Variants in PARP8 observed in about 807,000 individuals in gnomAD.
The protein encoded by PARP8 is protein mono-ADP-ribosyltransferase PARP8.
A neutral mutation model predicts 124.1 loss-of-function variants in PARP8; 51 were observed. That is an observed-to-expected ratio of 0.41 (90% CI 0.33 to 0.52). The LOEUF (loss-of-function observed/expected upper bound fraction) is 0.52, where lower values mean the gene tolerates loss of function less well. PARP8 is among the 20% of genes least tolerant of loss of function. PARP8 has a pLI of 0.21. For synonymous variants in PARP8, 391 were observed against 361.5 expected (o/e 1.08, Z -0.93); for missense variants, 860 against 1,018.9 (o/e 0.84, Z 2.12).
intron 2 of PARP8, among the ~76,000 whole-genome samples, chr5:50,707,699 A>G (rs1754305335): frequency 6.6e-6 from 1 of 151,834 alleles, no homozygotes; most frequent in African/African-American, 2.4e-5. Context: ...ATTGGCATGC[A>G]GTTGCCTGAT....
intron 2 of PARP8, among the ~76,000 whole-genome samples, chr5:50,746,925 A>T (rs1461482288): frequency 6.6e-6 from 1 of 152,114 alleles, no homozygotes; most frequent in African/African-American, 2.4e-5. Flanking sequence ...TCTACCCAGG[A>T]GGCTGCAGGG....
In PARP8 at chr5:50,843,700, T is replaced by C. The variant is rs1408543100; in HGVS notation, c.*1632T>C. 2.0e-5 allele frequency: 3 copies of C among 151,722 alleles called. No individual in the cohort carries two copies. Among genetic ancestry groups the C allele is most frequent in the Non-Finnish European group, 4.4e-5 (3 of 67,804 alleles). The allele number at this position is 151,722 out of a possible 1,614,324, so 9.4% of individuals were successfully genotyped here. On this transcript the variant is annotated 3_prime_UTR_variant, in exon 26 of 26. Coordinates refer to ENST00000281631, the MANE Select transcript of PARP8 (RefSeq NM_024615.4). ...AGTGGAGTAGGGCAAAGATATAATA[T>C]CCTATCCAGTGTTTTGTGACCACTT... is the stretch of plus-strand genomic sequence containing the variant.
chr5:50,822,849 G>T (rs1745916961), intron 17 of PARP8, among the ~76,000 whole-genome samples: 1 of 152,176 alleles, frequency 6.6e-6, no homozygotes, highest in African/African-American at 2.4e-5. Context: ...GGCTCCCGGA[G>T]AGTATGGGTT....
intron 2 of PARP8, among the ~76,000 whole-genome samples, chr5:50,710,659 A>G (rs531221972): frequency 6.6e-6 from 1 of 152,238 alleles, no homozygotes; most frequent in African/African-American, 2.4e-5. Flanking sequence ...AATAAGGATC[A>G]GCTTGTTTTT....
chr5:50,688,248 C>G (rs1752092846), intron 2 of PARP8, among the ~76,000 whole-genome samples: 1 of 152,050 alleles, frequency 6.6e-6, no homozygotes, highest in Non-Finnish European at 1.5e-5. Flanking sequence ...TTTTCCTTGA[C>G]CTTGGAAAAC....
chr5:50,836,808 G>A (rs1747638527), intron 25 of PARP8, among the ~76,000 whole-genome samples: 1 of 151,972 alleles, frequency 6.6e-6, no homozygotes, highest in South Asian at 2.1e-4. Flanking sequence ...TTAGATGCTT[G>A]GCCTTGCAAA....
At chr5:50,786,243 C>T (rs1741230655) in intron 9 of PARP8, among the ~76,000 whole-genome samples, 3 of 152,060 alleles carry the variant, frequency 2.0e-5, no homozygotes, top group Admixed American at 6.6e-5. Flanking sequence ...TCAAACACTG[C>T]TCTTGTCAAT....
chr5:50,843,036 G>A lies in PARP8; in HGVS notation c.*968G>A, dbSNP rs1748331890. 1 of 151,316 alleles carries A rather than the reference G, an allele frequency of 6.6e-6. No homozygotes were observed. 9.4% of individuals were successfully genotyped at this position (151,316 alleles called of 1,614,324 possible). On this transcript the variant is annotated 3_prime_UTR_variant, in exon 26 of 26. Coordinates refer to ENST00000281631, the MANE Select transcript of PARP8 (RefSeq NM_024615.4). Reference sequence around the variant, plus strand: ...ATACAATTTTATTTATGCCACACCAGCATTTTTATATTTGTTCATCTAATA... The same window carrying A: ...ATACAATTTTATTTATGCCACACCAACATTTTTATATTTGTTCATCTAATA...
intron 7 of PARP8, among the ~76,000 whole-genome samples, chr5:50,776,411 T>C (rs1300788373): frequency 6.6e-6 from 1 of 152,196 alleles, no homozygotes; most frequent in Non-Finnish European, 1.5e-5. Flanking sequence ...ATAAAACAGG[T>C]TTGGAAGAAT....
At chr5:50,766,458 T>G (rs1212467223) in intron 7 of PARP8, among the ~76,000 whole-genome samples, 1 of 152,216 alleles carries the variant, frequency 6.6e-6, no homozygotes, top group Non-Finnish European at 1.5e-5. Flanking sequence ...AGAAAGGGAA[T>G]TACAGATCAG....
intron 14 of PARP8, among the ~76,000 whole-genome samples, chr5:50,812,973 A>C (rs1400313942): frequency 1.3e-5 from 2 of 152,162 alleles, no homozygotes; most frequent in African/African-American, 4.8e-5. Context: ...TGGTACCAGT[A>C]CCATGCTGTT....
chr5:50,699,174 A>G (rs552958515), intron 2 of PARP8, among the ~76,000 whole-genome samples: 1 of 152,210 alleles, frequency 6.6e-6, no homozygotes, highest in East Asian at 1.9e-4. Context: ...CTGTACCTTT[A>G]CTATAACATG....
chr5:50,714,869 T>C (rs1289593677), intron 2 of PARP8, among the ~76,000 whole-genome samples: 2 of 152,112 alleles, frequency 1.3e-5, no homozygotes, highest in Non-Finnish European at 1.5e-5. Context: ...TTAGCTGTCA[T>C]TCCTGTAAGA....
chr5:50,759,344 C>A (rs1760303336), intron 3 of PARP8, among the ~76,000 whole-genome samples: 1 of 152,078 alleles, frequency 6.6e-6, no homozygotes, highest in Non-Finnish European at 1.5e-5. Flanking sequence ...GTTAAGGCAC[C>A]CAGTTGCATC....
chr5:50,825,898 C>T (rs1057422752), intron 18 of PARP8, among the ~76,000 whole-genome samples: 3 of 152,162 alleles, frequency 2.0e-5, no homozygotes, highest in African/African-American at 7.2e-5. Flanking sequence ...TTATAGTACA[C>T]ATTTAATTTA....
At chr5:50,752,926 A>G (rs1180804546) in intron 3 of PARP8, among the ~76,000 whole-genome samples, 6 of 152,086 alleles carry the variant, frequency 3.9e-5, no homozygotes, top group Non-Finnish European at 7.4e-5. Flanking sequence ...TGATCTATTA[A>G]TTAACTTGTA....
chr5:50,710,087 A>C (rs1227310146), intron 2 of PARP8, among the ~76,000 whole-genome samples: 1 of 151,654 alleles, frequency 6.6e-6, no homozygotes, highest in East Asian at 1.9e-4. Context: ...GAAACTGTTT[A>C]GATTTTGGAC....
At chr5:50,726,802 C>T (rs1228311935) in intron 2 of PARP8, among the ~76,000 whole-genome samples, 1 of 152,126 alleles carries the variant, frequency 6.6e-6, no homozygotes, top group Non-Finnish European at 1.5e-5. Flanking sequence ...CCTCATGCTA[C>T]AGGCCATTCT....
chr5:50,778,776 A>G (rs1289115296), intron 9 of PARP8, 126 bp downstream of exon 9: 1 of 470,458 alleles, frequency 2.1e-6, no homozygotes, highest in Non-Finnish European at 3.7e-6. Context: ...TGGTATTTAA[A>G]GAAGCTTGCA....
Sources: allele counts gnomAD v4.1 joint callset (sites outside exome capture counted in the v4.1 genomes callset), GRCh38; gene constraint gnomAD v4.1.1; transcripts MANE v1.5; gene names NCBI Gene and HGNC (gene_info 2026-07-23, HGNC 2026-07-21).